CDH22: variants seen among roughly 807,000 people sequenced by gnomAD.
CDH22 encodes cadherin 22.
In CDH22, 30 loss-of-function variants were observed where a neutral mutation model predicts 58.4. That is an observed-to-expected ratio of 0.51 (90% CI 0.38 to 0.70). The LOEUF (loss-of-function observed/expected upper bound fraction) is 0.70, where lower values mean the gene tolerates loss of function less well. Ranked by LOEUF, CDH22 falls within the 30% of genes least tolerant of loss-of-function variation. CDH22 has a pLI of 0.00. For synonymous variants in CDH22, 513 were observed against 558.2 expected (o/e 0.92, Z 1.14); for missense variants, 1,014 against 1,233.9 (o/e 0.82, Z 2.67).
chr20:46,269,968 A>G (rs1343127413), intron 1 of CDH22, among the ~76,000 whole-genome samples: 2 of 152,188 alleles, frequency 1.3e-5, no homozygotes, highest in Non-Finnish European at 2.9e-5. Context: ...TAGGTGCTCA[A>G]AAAAGACTTG....
At chr20:46,225,407 A>G (rs2425793) in intron 4 of CDH22, among the ~76,000 whole-genome samples, 85,545 of 152,096 alleles carry the variant, frequency 0.56, 26,201 homozygotes, top group Middle Eastern at 0.76. Flanking sequence ...TTATGTACTC[A>G]TATGGAATAA....
Position 46,199,447 on chromosome 20 carries a change from T to A in CDH22, c.1399A>T (p.Ile467Phe), listed in dbSNP as rs773164213. The A allele has an allele frequency of 6.2e-7, 1 of 1,612,744 alleles. No individual in the cohort carries two copies. The highest frequency in any genetic ancestry group is 1.3e-5 in the African/African-American group (1 of 74,930). ...CCCGCCTCCATGGCCAGCACTGTGA[T>A]GTTGTGCCAGCCGGCCGTCTCGCGG... ...LDRETAGWHN[I>F]TVLAMEADNH... Residue 467 changes from isoleucine (I) to phenylalanine (F), a missense_variant, in exon 8 of 12, where the codon ATC (isoleucine) becomes TTC (phenylalanine). Transcript: ENST00000537909.
chr20:46,277,849 C>T (rs1042394637), intron 1 of CDH22, among the ~76,000 whole-genome samples: 1 of 151,214 alleles, frequency 6.6e-6, no homozygotes, highest in Admixed American at 6.6e-5. Flanking sequence ...GAAGCGAAGA[C>T]AACTTGATAA....
At chr20:46,224,463 G>A (rs2086156953) in intron 4 of CDH22, among the ~76,000 whole-genome samples, 1 of 152,204 alleles carries the variant, frequency 6.6e-6, no homozygotes. Context: ...GAAGCTTTAA[G>A]AGACCCAACC....
intron 1 of CDH22, among the ~76,000 whole-genome samples, chr20:46,298,446 G>A (rs1755300592): frequency 6.6e-6 from 1 of 152,184 alleles, no homozygotes. Context: ...TAGATTCTGA[G>A]GGTGAATGAG....
At chr20:46,292,396 A>G (rs565882467) in intron 1 of CDH22, among the ~76,000 whole-genome samples, 8 of 152,356 alleles carry the variant, frequency 5.3e-5, no homozygotes, top group Non-Finnish European at 8.8e-5. Flanking sequence ...GATGTCAAAC[A>G]GACCAGATTT....
chr20:46,292,283 C>T (rs892715912), intron 1 of CDH22, among the ~76,000 whole-genome samples: 6 of 152,178 alleles, frequency 3.9e-5, no homozygotes, highest in Non-Finnish European at 5.9e-5. Flanking sequence ...TGCAAAGGTC[C>T]CATGAGCAGC....
chr20:46,227,469 GC>G, intron 4 of CDH22, 38 bp downstream of exon 4: 1 of 460,298 alleles, frequency 2.2e-6, no homozygotes, highest in East Asian at 6.4e-5. Flanking sequence ...CCCTGGCCCC[GC>G]CCCACGGCTC....
At chr20:46,205,513 A>G (rs1165668591) in intron 7 of CDH22, among the ~76,000 whole-genome samples, 2 of 152,088 alleles carry the variant, frequency 1.3e-5, no homozygotes, top group African/African-American at 2.4e-5. Context: ...CTGCTGCACC[A>G]CACTGTGGAG....
At chr20:46,186,373 T>C (rs535474587) in intron 10 of CDH22, among the ~76,000 whole-genome samples, 2 of 151,892 alleles carry the variant, frequency 1.3e-5, no homozygotes, top group South Asian at 4.2e-4. Flanking sequence ...TGCCATTTCT[T>C]ATCCTTGGGA....
intron 3 of CDH22, 88 bp from the exon 4 acceptor site, chr20:46,227,715 G>T: frequency 1.3e-6 from 2 of 1,510,524 alleles, no homozygotes; most frequent in Non-Finnish European, 1.8e-6. Flanking sequence ...GAAGCTGGGA[G>T]AGGAGACCCT....
chr20:46,182,383 G>A (rs1413771654), intron 10 of CDH22, among the ~76,000 whole-genome samples: 5 of 152,218 alleles, frequency 3.3e-5, no homozygotes, highest in African/African-American at 4.8e-5. Context: ...GGAAGCTCTC[G>A]TGTGTTTTAG....
At chr20:46,303,200 C>T (rs77006139) in intron 1 of CDH22, among the ~76,000 whole-genome samples, 6 of 152,210 alleles carry the variant, frequency 3.9e-5, no homozygotes, top group Admixed American at 3.9e-4. Flanking sequence ...TGTGTGTTCT[C>T]CTTCAGCCAA....
intron 6 of CDH22, 24 bp downstream of exon 6, chr20:46,212,971 C>A: frequency 1.2e-6 from 2 of 1,602,962 alleles, no homozygotes; most frequent in Non-Finnish European, 1.7e-6. Flanking sequence ...CCTGCCTCCC[C>A]CATTCCTCCT....
chr20:46,281,949 A>G (rs80267025), intron 1 of CDH22, among the ~76,000 whole-genome samples: 294 of 152,372 alleles, frequency 1.9e-3, no homozygotes, highest in Non-Finnish European at 3.2e-3. Flanking sequence ...CCTTTTACAG[A>G]TGACAGAATG....
At chr20:46,305,915 A>C (rs1248459682) in intron 1 of CDH22, among the ~76,000 whole-genome samples, 3 of 152,222 alleles carry the variant, frequency 2.0e-5, no homozygotes, top group Non-Finnish European at 4.4e-5. Flanking sequence ...GGGAAGCAGC[A>C]GGGGCTTTGG....
Position 46,251,191 on chromosome 20 carries a change from C to A in CDH22, c.104G>T (p.Arg35Leu). The change falls in exon 2 of 12, where the codon CGC becomes CTC. Residue 35 changes from arginine to leucine, a missense_variant. Transcript: ENST00000537909. This position sits in a 1 kb window ranked among gnomAD's most constrained non-coding sequence, Gnocchi z 6.7. Reference protein sequence around the residue: ...LLPPPPTLLGRLWAAGTPSPS... With the variant: ...LLPPPPTLLGLLWAAGTPSPS... ...CGAGGGTGTGCCCGCTGCCCACAGGCGCCCCAGCAGCGTCGGCGGCGGCGG... is the reference window on the plus strand; with the variant it reads ...CGAGGGTGTGCCCGCTGCCCACAGGAGCCCCAGCAGCGTCGGCGGCGGCGG... The A allele has an allele frequency of 2.6e-6, 4 of 1,515,968 alleles. No homozygotes were observed. Among genetic ancestry groups the A allele is most frequent in the Admixed American group, 2.2e-5 (1 of 45,180 alleles). The allele number at this position is 1,515,968 out of a possible 1,614,324, so 93.9% of individuals were successfully genotyped here.
Position 46,213,019 on chromosome 20 carries a change from C to T in CDH22, c.1008G>A (p.Gln336=). Residue 336 remains glutamine, a synonymous_variant, in exon 6 of 12, where the codon CAG becomes CAA. Transcript: ENST00000537909. ...CCTTCTGCACTACGATGATGGCCTCCTGAGTGTCGCTGTCTGTGGTGACCT... is the reference window on the plus strand; with the variant it reads ...CCTTCTGCACTACGATGATGGCCTCTTGAGTGTCGCTGTCTGTGGTGACCT... ...VFKVTTDSDT[Q]EAIIVVQKRL... 1.2e-6 allele frequency: 2 copies of T among 1,614,206 alleles called. No homozygotes were observed. Among genetic ancestry groups the T allele is most frequent in the Non-Finnish European group, 1.7e-6 (2 of 1,180,030 alleles).
At position 46,178,217 on chromosome 20, in the gene CDH22, A is replaced by G; in HGVS notation, c.1664-20T>C. On this transcript the variant is annotated intron_variant, in intron 10 of 11. Coordinates refer to ENST00000537909, the MANE Select transcript of CDH22 (RefSeq NM_021248.3). Reference sequence around the variant, plus strand: ...TGTTGTCTGTTCCGGAAGAAGGGGGAGCGGTGTGACTTGGGGCCGGGGGTC... The same window carrying G: ...TGTTGTCTGTTCCGGAAGAAGGGGGGGCGGTGTGACTTGGGGCCGGGGGTC... The G allele has an allele frequency of 6.2e-7, 1 of 1,602,816 alleles. No homozygotes were observed. Among genetic ancestry groups the G allele is most frequent in the Non-Finnish European group, 8.5e-7 (1 of 1,171,896 alleles).
Sources: gnomAD v4.1 joint callset for allele counts (sites outside exome capture counted in the v4.1 genomes callset) on GRCh38, gnomAD v4.1.1 for gene constraint, Gnocchi (gnomAD v3.1) non-coding constraint, MANE v1.5 for transcripts, NCBI Gene and HGNC (gene_info 2026-07-23, HGNC 2026-07-21) for gene names.